EPHA3: variants seen among roughly 807,000 people sequenced by gnomAD.
EPHA3 encodes ephrin type-A receptor 3.
Under a neutral mutation model 107.1 loss-of-function variants are expected in EPHA3, and 42 were observed. The ratio of observed to expected loss-of-function variants is 0.39; its 90% CI spans 0.31 to 0.51. The LOEUF (loss-of-function observed/expected upper bound fraction) is 0.51, where lower values mean the gene tolerates loss of function less well. Among genes scored for constraint, EPHA3 ranks in the 20% least tolerant of loss-of-function variants. The probability of loss-of-function intolerance (pLI) is 0.78; values close to 1 mark genes in which losing one functional copy is unlikely to be tolerated. For synonymous variants in EPHA3, 461 were observed against 424.8 expected, an observed-to-expected ratio of 1.09 and a Z score of -1.05; for missense variants, 1,183 against 1,211.2, an observed-to-expected ratio of 0.98 and a Z score of 0.35.
intron 16 of EPHA3, among the ~76,000 whole-genome samples, chr3:89,476,952 A>C (rs1710527288): frequency 6.6e-6 from 1 of 152,066 alleles, no homozygotes. Context: ...CTAGTCATAA[A>C]ACATAGGATA....
chr3:89,309,209 T>C (rs1363839998), intron 3 of EPHA3, among the ~76,000 whole-genome samples: 1 of 152,106 alleles, frequency 6.6e-6, no homozygotes, highest in Non-Finnish European at 1.5e-5. Context: ...AGAGAATGAA[T>C]GGGTATAAGA....
intron 13 of EPHA3, among the ~76,000 whole-genome samples, chr3:89,443,234 G>A (rs1243484609): frequency 6.6e-6 from 1 of 152,092 alleles, no homozygotes; most frequent in Non-Finnish European, 1.5e-5. Flanking sequence ...TGTAGAATGT[G>A]TATTGTTTAT....
At chr3:89,400,030 C>G in intron 7 of EPHA3, 1 of 1,036,046 alleles carries the variant, frequency 9.7e-7, no homozygotes, top group Non-Finnish European at 1.2e-6. Flanking sequence ...AACTGGCAAA[C>G]ATTTTTCCAG....
intron 3 of EPHA3, among the ~76,000 whole-genome samples, chr3:89,219,748 G>A (rs1704321407): frequency 1.1e-5 from 1 of 87,884 alleles, no homozygotes; most frequent in Admixed American, 1.6e-4. Context: ...TCGCTCTGTC[G>A]CCCAGGCTGG....
intron 13 of EPHA3, among the ~76,000 whole-genome samples, chr3:89,434,957 A>G (rs963445874): frequency 2.6e-5 from 4 of 152,122 alleles, no homozygotes; most frequent in African/African-American, 9.7e-5. Context: ...TGTAATTTGC[A>G]TGTGCGTTTC....
intron 3 of EPHA3, among the ~76,000 whole-genome samples, chr3:89,299,213 A>G (rs1706429001): frequency 6.6e-6 from 1 of 152,066 alleles, no homozygotes; most frequent in Non-Finnish European, 1.5e-5. Flanking sequence ...ATCAGGAGGA[A>G]GTGACAAGGA....
Position 89,230,855 on chromosome 3 carries a change from C to T in EPHA3, c.814+20335C>T, listed in dbSNP as rs180820647. On this transcript the variant is annotated intron_variant, in intron 3 of 16. Coordinates refer to ENST00000336596, the MANE Select transcript of EPHA3 (RefSeq NM_005233.6). ...ACACACACACACACACACACACACACACCTTTGCTTTTATCTGCTCCCCAG... is the reference window on the plus strand; with the variant it reads ...ACACACACACACACACACACACACATACCTTTGCTTTTATCTGCTCCCCAG... 1.1e-3 allele frequency among the ~76,000 whole-genome samples: 166 copies of T among 148,764 alleles called. 3 individuals carry two copies. The East Asian group carries it at 0.024, about 22-fold the overall frequency.
intron 2 of EPHA3, among the ~76,000 whole-genome samples, chr3:89,183,617 T>G (rs1254803757): frequency 6.6e-6 from 1 of 151,900 alleles, no homozygotes; most frequent in East Asian, 1.9e-4. Context: ...TATATTAAGG[T>G]GATTTAATAA....
chr3:89,476,276 C>G (rs1710504896), intron 16 of EPHA3, among the ~76,000 whole-genome samples: 1 of 147,492 alleles, frequency 6.8e-6, no homozygotes. Flanking sequence ...GAATGTAAAA[C>G]AGTTTTTTGC....
At chr3:89,129,599 A>ATT (rs944326064) in intron 2 of EPHA3, among the ~76,000 whole-genome samples, 41 of 122,324 alleles carry the variant, frequency 3.4e-4, no homozygotes, top group Admixed American at 4.7e-4. Context: ...AAAACATTAG[A>ATT]TTGTTTTTTT....
At chr3:89,375,493 G>T (rs1307123212) in intron 5 of EPHA3, among the ~76,000 whole-genome samples, 1 of 151,636 alleles carries the variant, frequency 6.6e-6, no homozygotes, top group East Asian at 1.9e-4. Context: ...AAGAGTGGGA[G>T]CCCGTTTGGA....
intron 5 of EPHA3, among the ~76,000 whole-genome samples, chr3:89,392,394 C>T (rs1197025128): frequency 1.3e-5 from 2 of 151,680 alleles, no homozygotes; most frequent in Non-Finnish European, 2.9e-5. Flanking sequence ...GCCGAGATTG[C>T]ACCACTGCAC....
At chr3:89,122,014 GA>G (rs1707402092) in intron 1 of EPHA3, among the ~76,000 whole-genome samples, 1 of 152,076 alleles carries the variant, frequency 6.6e-6, no homozygotes, top group Non-Finnish European at 1.5e-5. Flanking sequence ...TGTTTGACCG[GA>G]GAACTACACA....
chr3:89,403,581 C>T (rs1458874786), intron 7 of EPHA3, among the ~76,000 whole-genome samples: 1 of 151,998 alleles, frequency 6.6e-6, no homozygotes, highest in African/African-American at 2.4e-5. Context: ...TAGCTTCCAC[C>T]AATACAAGAA....
chr3:89,287,840 C>T (rs879278875), intron 3 of EPHA3, among the ~76,000 whole-genome samples: 1 of 152,068 alleles, frequency 6.6e-6, no homozygotes, highest in South Asian at 2.1e-4. Flanking sequence ...TCTTCCCACT[C>T]AAGATTCTCC....
chr3:89,282,824 A>T (rs1403018154), intron 3 of EPHA3, among the ~76,000 whole-genome samples: 1 of 152,096 alleles, frequency 6.6e-6, no homozygotes, highest in East Asian at 1.9e-4. Context: ...ATGTGTTATG[A>T]CTTTTTCAAT....
In EPHA3 at chr3:89,419,358, A is replaced by G. The variant is rs1343504201; in HGVS notation, c.2042A>G (p.Asn681Ser). The change falls in exon 11 of 17, where the codon AAT (asparagine) becomes AGT (serine). Residue 681 changes from asparagine to serine, a missense_variant. Transcript: ENST00000336596. The part of the protein sequence containing the change: ...ASIMGQFDHP[N>S]IIRLEGVVTK... ...ATTATGGGACAGTTTGACCACCCCA[A>G]TATCATTCGACTGGAAGGAGTTGTT... The G allele has an allele frequency of 1.9e-6, 3 of 1,602,484 alleles. No individual in the cohort carries two copies. Among genetic ancestry groups the G allele is most frequent in the Non-Finnish European group, 2.6e-6 (3 of 1,174,870 alleles).
intron 2 of EPHA3, among the ~76,000 whole-genome samples, chr3:89,157,757 C>T (rs1403087271): frequency 6.6e-6 from 1 of 151,200 alleles, no homozygotes; most frequent in Non-Finnish European, 1.5e-5. Context: ...TCTGGGGATG[C>T]AGCAGTAAGT....
intron 3 of EPHA3, among the ~76,000 whole-genome samples, chr3:89,303,967 C>T (rs1706551496): frequency 6.6e-6 from 1 of 152,058 alleles, no homozygotes; most frequent in Admixed American, 6.6e-5. Flanking sequence ...GGTTTTGAAC[C>T]AGACTTACTT....
Sources: allele counts gnomAD v4.1 joint callset (sites outside exome capture counted in the v4.1 genomes callset), GRCh38; gene constraint gnomAD v4.1.1; transcripts MANE v1.5; gene names NCBI Gene and HGNC (gene_info 2026-07-23, HGNC 2026-07-21).